Variants in MSRA observed in about 807,000 individuals in gnomAD.
MSRA encodes the protein methionine sulfoxide reductase A.
A neutral mutation model predicts 31.3 loss-of-function variants in MSRA; 54 were observed. The ratio of observed to expected loss-of-function variants is 1.73; its 90% CI spans 1.39 to 2.17. The LOEUF is 2.17. Ranked by LOEUF, MSRA falls within the 30% of genes most tolerant of loss-of-function variation. The pLI, the probability that MSRA is intolerant of heterozygous loss-of-function variation, is 0.00. For synonymous variants in MSRA, 169 were observed against 116.5 expected, an observed-to-expected ratio of 1.45 and a Z score of -2.90; for missense variants, 507 against 300.9, an observed-to-expected ratio of 1.69 and a Z score of -5.07.
intron 1 of MSRA, among the ~76,000 whole-genome samples, chr8:10,152,402 C>T (rs962183373): frequency 6.6e-6 from 1 of 152,056 alleles, no homozygotes; most frequent in Non-Finnish European, 1.5e-5. Flanking sequence ...GACCGAGAGC[C>T]AGTGTGTGTC....
At chr8:10,369,175 A>G (rs552785309) in intron 5 of MSRA, among the ~76,000 whole-genome samples, 3 of 152,290 alleles carry the variant, frequency 2.0e-5, no homozygotes, top group African/African-American at 7.2e-5. Context: ...AAACTGTTCA[A>G]TATTATATTA....
chr8:10,351,028 A>G (rs962219340), intron 5 of MSRA, among the ~76,000 whole-genome samples: 2 of 152,204 alleles, frequency 1.3e-5, no homozygotes, highest in African/African-American at 2.4e-5. Flanking sequence ...CTCCCCCAGA[A>G]TTGACTGGAA....
chr8:10,294,322 G>A (rs760854996), intron 3 of MSRA, among the ~76,000 whole-genome samples: 5 of 152,176 alleles, frequency 3.3e-5, no homozygotes, highest in Admixed American at 1.3e-4. Flanking sequence ...TACTAGCAAC[G>A]CTGCCATGAA....
At chr8:10,338,266 G>A (rs781505358) in intron 5 of MSRA, among the ~76,000 whole-genome samples, 17 of 152,132 alleles carry the variant, frequency 1.1e-4, no homozygotes, top group Non-Finnish European at 1.9e-4. Context: ...GAAAAATACC[G>A]CATGATCTCA....
At chr8:10,258,900 A>G (rs1253805836) in intron 3 of MSRA, among the ~76,000 whole-genome samples, 1 of 152,190 alleles carries the variant, frequency 6.6e-6, no homozygotes, top group Non-Finnish European at 1.5e-5. Context: ...TGAGGTCAGG[A>G]GTTTGAGACC....
At chr8:10,079,336 G>T (rs1337710180) in intron 1 of MSRA, among the ~76,000 whole-genome samples, 1 of 151,946 alleles carries the variant, frequency 6.6e-6, no homozygotes, top group South Asian at 2.1e-4. Context: ...AGTATTTTTT[G>T]TAGAGACAGG....
At chr8:10,384,873 A>C (rs1806290229) in intron 5 of MSRA, among the ~76,000 whole-genome samples, 1 of 152,142 alleles carries the variant, frequency 6.6e-6, no homozygotes, top group Non-Finnish European at 1.5e-5. Flanking sequence ...GTTGTAGCGC[A>C]TACCTGCAGC....
At chr8:10,258,695 C>A (rs1193801590) in intron 3 of MSRA, among the ~76,000 whole-genome samples, 1 of 152,222 alleles carries the variant, frequency 6.6e-6, no homozygotes, top group East Asian at 1.9e-4. Context: ...AACTATAGCT[C>A]CCTTCTCCCA....
Position 10,275,556 on chromosome 8 carries a change from C to G in MSRA, c.332-25978C>G, listed in dbSNP as rs186881316. On this transcript the variant is annotated intron_variant, in intron 3 of 5. Coordinates refer to ENST00000317173, the MANE Select transcript of MSRA (RefSeq NM_012331.5). ...AATAAGTAGCAAAGAGTCCAATTCT[C>G]TTTCTCAGGTTCTGCTTGAAGTAAT... is the stretch of plus-strand genomic sequence containing the variant. Among the ~76,000 whole-genome samples, 89 of 152,290 alleles carry G rather than the reference C, an allele frequency of 5.8e-4. 2 individuals are homozygous for G. Among genetic ancestry groups the G allele is most frequent in the Middle Eastern group, 3.4e-3 (1 of 294 alleles).
chr8:10,303,307 A>C (rs1260710550), intron 4 of MSRA, among the ~76,000 whole-genome samples: 1 of 152,108 alleles, frequency 6.6e-6, no homozygotes, highest in African/African-American at 2.4e-5. Flanking sequence ...ACCGCTCTTA[A>C]ATGCTTTCAT....
At chr8:10,055,947 A>G (rs1472473794) in intron 1 of MSRA, among the ~76,000 whole-genome samples, 1 of 152,148 alleles carries the variant, frequency 6.6e-6, no homozygotes, top group African/African-American at 2.4e-5. Context: ...TTTATTTTTG[A>G]TTCAAATGCA....
chr8:10,305,855 G>T (rs1298753088), intron 4 of MSRA, among the ~76,000 whole-genome samples: 1 of 152,222 alleles, frequency 6.6e-6, no homozygotes, highest in Non-Finnish European at 1.5e-5. Context: ...CCACTCCACG[G>T]ATTAGCCTAA....
chr8:10,092,609 G>C (rs1798912759), intron 1 of MSRA, among the ~76,000 whole-genome samples: 1 of 151,332 alleles, frequency 6.6e-6, no homozygotes, highest in East Asian at 1.9e-4. Flanking sequence ...AGTGAGGTGA[G>C]ATTGTGCCTG....
chr8:10,144,273 T>C (rs989322257), intron 1 of MSRA, among the ~76,000 whole-genome samples: 1 of 152,186 alleles, frequency 6.6e-6, no homozygotes, highest in Admixed American at 6.5e-5. Context: ...TAAGCCATGC[T>C]TGTTAATAGC....
At chr8:10,416,347 A>G (rs1209273374) in intron 5 of MSRA, among the ~76,000 whole-genome samples, 1 of 152,192 alleles carries the variant, frequency 6.6e-6, no homozygotes, top group African/African-American at 2.4e-5. Context: ...AACTGTGCTG[A>G]CTTCCCAACC....
In MSRA at chr8:10,319,937, C is replaced by T; in HGVS notation, c.491C>T (p.Thr164Ile). Reference sequence around the variant, plus strand: ...CAGTACCGCTCGGCCATCTACCCGACCTCTGCCAAGCAAATGGAGGCAGCC... The same window carrying T: ...CAGTACCGCTCGGCCATCTACCCGATCTCTGCCAAGCAAATGGAGGCAGCC... The part of the protein sequence containing the change: ...GTQYRSAIYP[T>I]SAKQMEAALS... Residue 164 changes from threonine (T) to isoleucine (I), a missense_variant, in exon 5 of 6, where the codon ACC becomes ATC. Transcript: ENST00000317173. 1 of 1,601,682 alleles carries T rather than the reference C, an allele frequency of 6.2e-7. No individual in the cohort carries two copies. Among genetic ancestry groups the T allele is most frequent in the South Asian group, 1.1e-5 (1 of 87,452 alleles).
chr8:10,166,346 G>T (rs1193298478), intron 1 of MSRA, among the ~76,000 whole-genome samples: 1 of 152,170 alleles, frequency 6.6e-6, no homozygotes, highest in East Asian at 1.9e-4. Context: ...GTGTGTTTTT[G>T]TGTTTGCATA....
At chr8:10,281,078 T>C (rs374660237) in intron 3 of MSRA, among the ~76,000 whole-genome samples, 2 of 152,202 alleles carry the variant, frequency 1.3e-5, no homozygotes, top group Admixed American at 6.5e-5. Context: ...TTAAAATTGA[T>C]TGTGGTAATG....
chr8:10,416,288 T>A (rs1473108942), intron 5 of MSRA, among the ~76,000 whole-genome samples: 1 of 152,186 alleles, frequency 6.6e-6, no homozygotes, highest in Non-Finnish European at 1.5e-5. Context: ...TGAAGTGAAG[T>A]TGGAGAGTTT....
Sources: gnomAD v4.1 joint callset for allele counts (sites outside exome capture counted in the v4.1 genomes callset) on GRCh38, gnomAD v4.1.1 for gene constraint, MANE v1.5 for transcripts, NCBI Gene and HGNC (gene_info 2026-07-23, HGNC 2026-07-21) for gene names.